STK32B: variants seen among roughly 807,000 people sequenced by gnomAD.
The protein encoded by STK32B is serine/threonine-protein kinase 32B.
STK32B carries 43 observed loss-of-function variants against 52.6 expected under a neutral mutation model. The observed-to-expected ratio is 0.82, with a 90% CI of 0.64 to 1.05. The LOEUF is 1.05. STK32B is among the 50% of genes least tolerant of loss of function. The pLI, the probability that STK32B is intolerant of heterozygous loss-of-function variation, is 0.00. For missense variants in STK32B, 621 were observed against 534.6 expected (o/e 1.16, Z -1.59); for synonymous variants, 238 against 204.3 (o/e 1.17, Z -1.41).
At chr4:5,122,035 CTCAT>C (rs1318443525) in intron 1 of STK32B, among the ~76,000 whole-genome samples, 5 of 152,172 alleles carry the variant, frequency 3.3e-5, no homozygotes, top group Non-Finnish European at 7.4e-5. Context: ...CATTCACTCA[CTCAT>C]TCATTCACTC....
intron 3 of STK32B, among the ~76,000 whole-genome samples, chr4:5,261,245 A>C (rs1275094395): frequency 6.6e-6 from 1 of 152,174 alleles, no homozygotes; most frequent in Non-Finnish European, 1.5e-5. Flanking sequence ...GAGGCTTGCA[A>C]CTTATCCTGA....
intron 4 of STK32B, among the ~76,000 whole-genome samples, chr4:5,331,906 C>G (rs765165664): frequency 6.6e-6 from 1 of 152,154 alleles, no homozygotes; most frequent in Non-Finnish European, 1.5e-5. Context: ...ACAGCAGTGC[C>G]ATGTCCTACA....
At position 5,176,429 on chromosome 4, in the gene STK32B, G is replaced by A. The variant is rs549789783; in HGVS notation, c.260+7979G>A. 2.1e-4 allele frequency among the ~76,000 whole-genome samples: 30 copies of A among 144,424 alleles called. No homozygotes were observed. The South Asian group carries it at 4.1e-3, about 20-fold the overall frequency. The allele number at this position is 144,424 out of a possible 152,430, so 94.7% of individuals were successfully genotyped here. On this transcript the variant is annotated intron_variant, in intron 3 of 11. Coordinates refer to ENST00000282908, the MANE Select transcript of STK32B (RefSeq NM_018401.3). ...CTGTAGACTGGAGCTGTTCCTATTC[G>A]GCCATCATCTTTTTTTTTTTTTTTT...
chr4:5,095,436 G>A (rs536097654), intron 1 of STK32B, among the ~76,000 whole-genome samples: 11 of 152,264 alleles, frequency 7.2e-5, no homozygotes, highest in African/African-American at 2.4e-4. Context: ...CCAACAGGGC[G>A]AAACTCTGCC....
intron 3 of STK32B, among the ~76,000 whole-genome samples, chr4:5,219,438 T>G (rs1434885426): frequency 3.3e-5 from 5 of 152,228 alleles, no homozygotes; most frequent in Non-Finnish European, 7.3e-5. Flanking sequence ...TTGAGGAAGG[T>G]CAAGCTTTCC....
intron 1 of STK32B, among the ~76,000 whole-genome samples, chr4:5,060,448 T>G (rs1742175024): frequency 6.6e-6 from 1 of 152,180 alleles, no homozygotes. Flanking sequence ...AGTTTTTAAA[T>G]TTAAAAATAA....
At chr4:5,318,429 C>G (rs977786774) in intron 3 of STK32B, among the ~76,000 whole-genome samples, 1 of 151,626 alleles carries the variant, frequency 6.6e-6, no homozygotes, top group African/African-American at 2.4e-5. Context: ...GATCTCAACC[C>G]TGGAACAGAA....
rs11296584 is a variant in STK32B at position 5,082,730 on chromosome 4, T to TA, written c.52+30828dup. Among the ~76,000 whole-genome samples, 172 of 148,216 alleles carry TA rather than the reference T, an allele frequency of 1.2e-3. 2 individuals are homozygous for TA. The Middle Eastern group carries it at 0.021, about 18-fold the overall frequency. On this transcript the variant is annotated intron_variant, in intron 1 of 11. Coordinates refer to ENST00000282908, the MANE Select transcript of STK32B (RefSeq NM_018401.3). ...TCATGAAAGTAGTACATGTTCGTAG[T>TA]AAAAAAAAAAAAATTGGAAAATGTC...
At position 5,269,212 on chromosome 4, in the gene STK32B, G is replaced by A. The variant is rs541333150; in HGVS notation, c.261-62008G>A. Among the ~76,000 whole-genome samples the A allele has an allele frequency of 8.5e-5, 13 of 152,274 alleles. No homozygotes were observed. The South Asian group carries it at 2.7e-3, about 32-fold the overall frequency. On this transcript the variant is annotated intron_variant, in intron 3 of 11. Coordinates refer to ENST00000282908, the MANE Select transcript of STK32B (RefSeq NM_018401.3). ...GGATGTGTGCGAGGACCATCCAAAA[G>A]GATTAGTTGTAAGTGATGCTCACAC...
chr4:5,313,111 TTAAAA>T (rs201345296), intron 3 of STK32B, among the ~76,000 whole-genome samples: 4,223 of 134,336 alleles, frequency 0.031, 195 homozygotes, highest in African/African-American at 0.14. Context: ...ATTGTGGTTT[TTAAAA>T]ACCACAATTA....
chr4:5,037,996 C>T, the STK32B span, among the ~76,000 whole-genome samples: 2 of 152,158 alleles, frequency 1.3e-5, no homozygotes, highest in African/African-American at 2.4e-5. Context: ...CCTCCCCACC[C>T]GTCCATCCTT....
At chr4:5,165,777 C>T (rs966050327) in intron 2 of STK32B, among the ~76,000 whole-genome samples, 7 of 152,170 alleles carry the variant, frequency 4.6e-5, no homozygotes, top group East Asian at 1.9e-4. Context: ...TATATTCTCA[C>T]GTTCACTACT....
chr4:5,398,305 T>A lies in STK32B; in HGVS notation c.472+61T>A, dbSNP rs1169030531. 4 of 1,582,372 alleles carry A rather than the reference T, an allele frequency of 2.5e-6. No individual in the cohort carries two copies. The highest frequency in any genetic ancestry group is 3.5e-6 in the Non-Finnish European group (4 of 1,153,260). On this transcript the variant is annotated intron_variant, in intron 5 of 11. Transcript: ENST00000282908. The surrounding 1 kb of genome is among the most constrained non-coding windows in gnomAD (Gnocchi z 4.9). The stretch of plus-strand genomic sequence containing the variant: ...GTGGAAAGTTTGAGGCACTGGGAAA[T>A]AGTGCGGGGGTGGGGGTTGGGTCTT...
chr4:5,209,848 GAA>G (rs1466591707), intron 3 of STK32B, among the ~76,000 whole-genome samples: 1 of 151,528 alleles, frequency 6.6e-6, no homozygotes, highest in Non-Finnish European at 1.5e-5. Flanking sequence ...CTGCAACATC[GAA>G]AAAAAACAGA....
intron 1 of STK32B, among the ~76,000 whole-genome samples, chr4:5,092,873 A>G (rs533177322): frequency 7.4e-4 from 112 of 152,338 alleles, no homozygotes; most frequent in African/African-American, 2.5e-3. Flanking sequence ...GGTGGGGGAC[A>G]CAGATCCAAA....
intron 4 of STK32B, among the ~76,000 whole-genome samples, chr4:5,360,766 A>G (rs914876858): frequency 1.1e-4 from 17 of 152,212 alleles, no homozygotes; most frequent in African/African-American, 3.4e-4. Flanking sequence ...AGATTGTGCC[A>G]TTGCACTCCA....
chr4:5,249,006 G>A (rs570232807), intron 3 of STK32B, among the ~76,000 whole-genome samples: 22 of 152,096 alleles, frequency 1.4e-4, no homozygotes, highest in East Asian at 9.7e-4. Context: ...GCAGCACACC[G>A]ACATGGCACA....
intron 3 of STK32B, among the ~76,000 whole-genome samples, chr4:5,264,441 G>T (rs1211679733): frequency 6.6e-6 from 1 of 151,908 alleles, no homozygotes; most frequent in Admixed American, 6.6e-5. Flanking sequence ...ATCTTCCTTT[G>T]TGAAGTATAT....
At chr4:5,241,680 C>G (rs1202739214) in intron 3 of STK32B, among the ~76,000 whole-genome samples, 4 of 151,942 alleles carry the variant, frequency 2.6e-5, no homozygotes, top group Non-Finnish European at 5.9e-5. Context: ...CACCCATTAA[C>G]TCATCATTTA....
Sources: allele counts gnomAD v4.1 joint callset (sites outside exome capture counted in the v4.1 genomes callset), GRCh38; gene constraint gnomAD v4.1.1; non-coding constraint Gnocchi (gnomAD v3.1); transcripts MANE v1.5; gene names NCBI Gene and HGNC (gene_info 2026-07-23, HGNC 2026-07-21).